The following RANBP3 variants were observed in gnomAD, a reference collection of about 807,000 sequenced individuals.
The protein encoded by RANBP3 is ran-binding protein 3.
Under a neutral mutation model 77.3 loss-of-function variants are expected in RANBP3, and 14 were observed. The ratio of observed to expected loss-of-function variants is 0.18; its 90% confidence interval spans 0.12 to 0.28. RANBP3 has a LOEUF of 0.28. Ranked by LOEUF, RANBP3 falls within the 10% of genes least tolerant of loss-of-function variation. RANBP3 has a pLI of 1.00. For missense variants in RANBP3, 586 were observed against 752.3 expected, an observed-to-expected ratio of 0.78 and a Z score of 2.59; for synonymous variants, 315 against 312.4, an observed-to-expected ratio of 1.01 and a Z score of -0.09.
intron 5 of RANBP3, among the ~76,000 whole-genome samples, chr19:5,940,876 T>A (rs2058126748): frequency 6.6e-6 from 1 of 152,242 alleles, no homozygotes; most frequent in Non-Finnish European, 1.5e-5. Flanking sequence ...GTTGTGCCCA[T>A]GGCAGGAGGC....
At chr19:5,968,891 T>G (rs547791690) in intron 1 of RANBP3, among the ~76,000 whole-genome samples, 69 of 152,342 alleles carry the variant, frequency 4.5e-4, no homozygotes, top group Non-Finnish European at 9.6e-4. Flanking sequence ...AACAAGTACC[T>G]GCTGTGTGCA....
intron 1 of RANBP3, among the ~76,000 whole-genome samples, chr19:5,962,528 G>A (rs1390583285): frequency 6.6e-6 from 1 of 152,144 alleles, no homozygotes; most frequent in Non-Finnish European, 1.5e-5. Flanking sequence ...ACGCCGCAAG[G>A]ACAAGGACCC....
rs1284349660 is a variant in RANBP3, at chr19:5,928,056, T to C, written c.725A>G (p.Asn242Ser). Reference protein sequence around the residue: ...EKEPQKNESSNASEEEACEKK... With the variant: ...EKEPQKNESSSASEEEACEKK... ...CTCACAGGCTTCCTCTTCAGAGGCATTGCTGGACTCATTTTTCTGGGGCTC... is the reference window on the plus strand; with the variant it reads ...CTCACAGGCTTCCTCTTCAGAGGCACTGCTGGACTCATTTTTCTGGGGCTC... Residue 242 changes from asparagine (N) to serine (S), a missense_variant, in exon 9 of 17, where the codon AAT (asparagine) becomes AGT (serine). By Grantham distance (46) the Asn-to-Ser change is conservative. Around this residue, in one of 5 missense-constraint regions of RANBP3, gnomAD observed 232 missense variants for 271.7 expected, o/e 0.85. Coordinates refer to ENST00000340578, the MANE Select transcript of RANBP3 (RefSeq NM_007322.3). 1.9e-6 allele frequency: 3 copies of C among 1,613,196 alleles called. No individual in the cohort carries two copies. The highest frequency in any genetic ancestry group is 2.7e-5 in the African/African-American group (2 of 74,936).
chr19:5,952,965 C>G lies in RANBP3; in HGVS notation c.79-1369G>C, dbSNP rs888527826. Among the ~76,000 whole-genome samples the G allele has an allele frequency of 6.6e-6, 1 of 152,036 alleles. No homozygotes were observed. The highest frequency in any genetic ancestry group is 1.5e-5 in the Non-Finnish European group (1 of 68,020). ...CACCTCACAAGAGAAAAATTAAACC[C>G]AGAGCTCTGTGGGGGACTGCCTATC... On this transcript the variant is annotated intron_variant, in intron 2 of 16. Transcript: ENST00000340578. The surrounding 1 kb of genome is among the most constrained non-coding windows in gnomAD (Gnocchi z 4.1).
chr19:5,960,918 G>A (rs886830735), intron 1 of RANBP3, among the ~76,000 whole-genome samples: 1 of 152,212 alleles, frequency 6.6e-6, no homozygotes, highest in African/African-American at 2.4e-5. Flanking sequence ...GCTGGAGACA[G>A]AGGGAGGCTA....
intron 1 of RANBP3, among the ~76,000 whole-genome samples, chr19:5,973,420 G>A (rs1240872707): frequency 7.9e-5 from 12 of 152,192 alleles, no homozygotes; most frequent in East Asian, 3.8e-4. Flanking sequence ...CATGACTGGC[G>A]GGGATGAGGA....
At chr19:5,964,086 C>T (rs925696056) in intron 1 of RANBP3, among the ~76,000 whole-genome samples, 2 of 152,190 alleles carry the variant, frequency 1.3e-5, no homozygotes, top group South Asian at 4.1e-4. Context: ...GGCTCTCCCT[C>T]CCATCCCCTG....
intron 8 of RANBP3, 33 bp downstream of exon 8, chr19:5,931,371 A>C: frequency 6.3e-7 from 1 of 1,586,802 alleles, no homozygotes; most frequent in South Asian, 1.1e-5. Flanking sequence ...GGGGCCTAGC[A>C]TGCAGCGCTT....
At chr19:5,948,943 A>T (rs967887064) in intron 3 of RANBP3, among the ~76,000 whole-genome samples, 1 of 152,168 alleles carries the variant, frequency 6.6e-6, no homozygotes, top group Non-Finnish European at 1.5e-5. Flanking sequence ...TCTTCTTCAG[A>T]CTGTCTTCTG....
intron 5 of RANBP3, among the ~76,000 whole-genome samples, chr19:5,939,057 C>T (rs150801226): frequency 2.1e-4 from 32 of 151,508 alleles, no homozygotes; most frequent in African/African-American, 7.0e-4. Flanking sequence ...TTGTGGTGTG[C>T]GCCTGTAATC....
At chr19:5,967,542 C>T (rs2058482017) in intron 1 of RANBP3, among the ~76,000 whole-genome samples, 1 of 152,164 alleles carries the variant, frequency 6.6e-6, no homozygotes, top group East Asian at 1.9e-4. Context: ...CTCCTCATAT[C>T]CCACTCCACC....
intron 5 of RANBP3, chr19:5,934,367 A>G (rs2058036791): frequency 6.6e-6 from 1 of 152,232 alleles, no homozygotes; most frequent in Non-Finnish European, 1.5e-5. Context: ...CGTTTGTGCT[A>G]AGCTTCACCC....
intron 5 of RANBP3, chr19:5,935,675 T>C (rs2145106299): frequency 2.2e-6 from 1 of 456,078 alleles, no homozygotes; most frequent in Non-Finnish European, 4.4e-6. Flanking sequence ...GGATAATCCC[T>C]GCCACCGACC....
At chr19:5,955,116 A>ATTTTATTTTTAAT (rs1199382308) in intron 2 of RANBP3, among the ~76,000 whole-genome samples, 7 of 152,330 alleles carry the variant, frequency 4.6e-5, no homozygotes, top group Middle Eastern at 3.4e-3. Flanking sequence ...TATACTTGGC[A>ATTTTATTTTTAAT]TTTTATTTTT....
rs1385695238 is a variant in RANBP3 at position 5,925,376 on chromosome 19, T to TGTA, written c.917+255_917+257dup. On this transcript the variant is annotated intron_variant, in intron 10 of 16. Transcript: ENST00000340578. ...AGAGGGCACACTCCAAGGGCTGGGC[T>TGTA]GTAGCCTCCATGGGCCCCTGGACAA... is the stretch of plus-strand genomic sequence containing the variant. 66 of 566,938 alleles carry TGTA rather than the reference T, an allele frequency of 1.2e-4. 1 individual carries two copies. In the South Asian group the frequency reaches 1.3e-3, roughly 11 times the overall value. 35.1% of individuals were successfully genotyped at this position (566,938 alleles called of 1,614,324 possible). A position where few individuals can be genotyped will look rare whatever the true frequency, so the allele number is the denominator to read the frequency against.
Position 5,921,054 on chromosome 19 carries a change from G to T in RANBP3, c.1330+147C>A. The T allele has an allele frequency of 9.9e-7, 1 of 1,007,722 alleles. No homozygotes were observed. The highest frequency in any genetic ancestry group is 1.4e-6 in the Non-Finnish European group (1 of 729,474). 62.4% of individuals were successfully genotyped at this position (1,007,722 alleles called of 1,614,324 possible). A position where few individuals can be genotyped will look rare whatever the true frequency, so the allele number is the denominator to read the frequency against. ...GCTGGGTGCAGGGAGGGGGTTTGGG[G>T]GGCGGCTCTCATGGGAGACCGACTC... is the stretch of plus-strand genomic sequence containing the variant. On this transcript the variant is annotated intron_variant, in intron 14 of 16. Transcript: ENST00000340578. This position sits in a 1 kb window ranked among gnomAD's most constrained non-coding sequence, Gnocchi z 5.3.
At chr19:5,920,493 G>A (rs2057804050) in intron 14 of RANBP3, among the ~76,000 whole-genome samples, 2 of 152,066 alleles carry the variant, frequency 1.3e-5, no homozygotes, top group East Asian at 1.9e-4. Flanking sequence ...CCACCAATAG[G>A]GAAAAGTCCA....
intron 1 of RANBP3, among the ~76,000 whole-genome samples, chr19:5,960,066 A>T (rs982215471): frequency 1.7e-4 from 26 of 152,142 alleles, no homozygotes; most frequent in African/African-American, 6.3e-4. Context: ...GCTGCTGGTG[A>T]ATGACCCTGA....
chr19:5,937,977 C>T (rs765428263), intron 5 of RANBP3, among the ~76,000 whole-genome samples: 2 of 152,166 alleles, frequency 1.3e-5, no homozygotes, highest in African/African-American at 2.4e-5. Flanking sequence ...ACCTGCTAAG[C>T]GACACCCCAG....
Sources: gnomAD v4.1 joint callset for allele counts (sites outside exome capture counted in the v4.1 genomes callset) on GRCh38, gnomAD v4.1.1 for gene constraint, gnomAD v4.1.1 regional missense constraint, Gnocchi (gnomAD v3.1) non-coding constraint, MANE v1.5 for transcripts, NCBI Gene and HGNC (gene_info 2026-07-23, HGNC 2026-07-21) for gene names.